Variants in MGRN1 observed in about 807,000 individuals in gnomAD.
The protein encoded by MGRN1 is mahogunin ring finger 1, also known as E3 ubiquitin-protein ligase MGRN1.
A neutral mutation model predicts 69.2 loss-of-function variants in MGRN1; 29 were observed. The ratio of observed to expected loss-of-function variants is 0.42; its 90% CI spans 0.31 to 0.57. MGRN1 has a LOEUF of 0.57. MGRN1 is among the 20% of genes least tolerant of loss of function. MGRN1 has a pLI of 0.15. For synonymous variants in MGRN1, 470 were observed against 344.2 expected (o/e 1.37, Z -4.04); for missense variants, 998 against 796.2 (o/e 1.25, Z -3.05).
At chr16:4,655,695 C>G (rs2078521658) in intron 4 of MGRN1, among the ~76,000 whole-genome samples, 1 of 152,208 alleles carries the variant, frequency 6.6e-6, no homozygotes, top group South Asian at 2.1e-4. Flanking sequence ...AGCTTCCCCT[C>G]CCAGCAGGGA....
intron 12 of MGRN1, among the ~76,000 whole-genome samples, chr16:4,681,109 G>A (rs747669568): frequency 2.6e-5 from 4 of 152,208 alleles, no homozygotes; most frequent in Non-Finnish European, 4.4e-5. Flanking sequence ...CAGAGGCCCG[G>A]GCAGGGCACA....
In MGRN1 at chr16:4,631,523, A is replaced by T. The variant is rs532879100; in HGVS notation, c.88+6475A>T. ...GGGGCATCTGTTGGGTAGAGGCCACAGGACAGTCCCCCACAATTAAGAATA... is the reference window on the plus strand; with the variant it reads ...GGGGCATCTGTTGGGTAGAGGCCACTGGACAGTCCCCCACAATTAAGAATA... On this transcript the variant is annotated intron_variant, in intron 1 of 16. Coordinates refer to ENST00000262370, the MANE Select transcript of MGRN1 (RefSeq NM_015246.4). Among the ~76,000 whole-genome samples the T allele has an allele frequency of 2.0e-5, 3 of 152,362 alleles. No individual in the cohort carries two copies. In the South Asian group the frequency reaches 6.2e-4, roughly 32 times the overall value.
At chr16:4,637,118 C>CAAA (rs36033548) in intron 1 of MGRN1, among the ~76,000 whole-genome samples, 536 of 48,448 alleles carry the variant, frequency 0.011, 15 homozygotes, top group African/African-American at 0.04. Flanking sequence ...GACTCCATCT[C>CAAA]AAAAAAAAAA....
intron 16 of MGRN1, 117 bp from the exon 17 acceptor site, chr16:4,688,679 C>A: frequency 6.9e-7 from 1 of 1,448,478 alleles, no homozygotes; most frequent in Non-Finnish European, 9.1e-7. Flanking sequence ...TGGCCACAGG[C>A]GGCGGGAGTG....
At chr16:4,635,536 C>CT (rs1483131849) in intron 1 of MGRN1, among the ~76,000 whole-genome samples, 3 of 151,654 alleles carry the variant, frequency 2.0e-5, no homozygotes, top group African/African-American at 7.3e-5. Flanking sequence ...GTGGCATGAT[C>CT]TTAGCTCACT....
chr16:4,625,639 T>C (rs1897639049), intron 1 of MGRN1, among the ~76,000 whole-genome samples: 1 of 152,184 alleles, frequency 6.6e-6, no homozygotes, highest in Non-Finnish European at 1.5e-5. Context: ...CTCTGTGTTA[T>C]GGCTGAGGGA....
intron 1 of MGRN1, among the ~76,000 whole-genome samples, chr16:4,638,568 G>A (rs139108429): frequency 2.4e-4 from 37 of 152,322 alleles, no homozygotes; most frequent in African/African-American, 7.2e-4. Context: ...GGATCAATGC[G>A]TGGGTGATAC....
At chr16:4,672,115 A>G (rs1018760395) in intron 9 of MGRN1, among the ~76,000 whole-genome samples, 2 of 152,316 alleles carry the variant, frequency 1.3e-5, no homozygotes, top group Admixed American at 1.3e-4. Flanking sequence ...CATGTTGGCC[A>G]GGATGGTCTT....
At chr16:4,667,724 G>A (rs1166008248) in intron 7 of MGRN1, among the ~76,000 whole-genome samples, 2 of 152,224 alleles carry the variant, frequency 1.3e-5, no homozygotes, top group African/African-American at 2.4e-5. Flanking sequence ...TGAACTCTGA[G>A]CGGTGGTGTG....
chr16:4,686,899 C>G, intron 16 of MGRN1: 1 of 985,460 alleles, frequency 1.0e-6, no homozygotes, highest in Non-Finnish European at 1.2e-6. Flanking sequence ...CACGTCTTCC[C>G]AAGCTCAGTC....
intron 4 of MGRN1, among the ~76,000 whole-genome samples, chr16:4,654,027 C>T (rs1005300281): frequency 4.6e-5 from 7 of 152,210 alleles, no homozygotes; most frequent in Non-Finnish European, 8.8e-5. Flanking sequence ...GCTGAGATTA[C>T]AGCCGTGAGC....
intron 10 of MGRN1, among the ~76,000 whole-genome samples, chr16:4,673,946 C>T (rs770151911): frequency 6.6e-6 from 1 of 152,154 alleles, no homozygotes; most frequent in South Asian, 2.1e-4. Flanking sequence ...ATGAACTGAA[C>T]GAAAATTGAT....
intron 10 of MGRN1, among the ~76,000 whole-genome samples, chr16:4,675,471 G>A (rs2079034483): frequency 6.6e-6 from 1 of 152,062 alleles, no homozygotes; most frequent in Non-Finnish European, 1.5e-5. Flanking sequence ...GCTGGTTGCA[G>A]ATCACACCTA....
intron 4 of MGRN1, among the ~76,000 whole-genome samples, chr16:4,654,730 C>G (rs192058030): frequency 6.6e-6 from 1 of 152,206 alleles, no homozygotes; most frequent in Non-Finnish European, 1.5e-5. Flanking sequence ...CAGCCCCTCG[C>G]GTGACAGGTG....
intron 8 of MGRN1, among the ~76,000 whole-genome samples, chr16:4,668,893 C>T (rs1289022705): frequency 6.6e-6 from 1 of 152,130 alleles, no homozygotes; most frequent in African/African-American, 2.4e-5. Context: ...TACATAGACA[C>T]ACATTCACTC....
chr16:4,667,809 T>C (rs2078838847), intron 7 of MGRN1, among the ~76,000 whole-genome samples: 1 of 152,252 alleles, frequency 6.6e-6, no homozygotes, highest in Non-Finnish European at 1.5e-5. Context: ...TCCCTGTGTG[T>C]GCACCACTGT....
intron 1 of MGRN1, among the ~76,000 whole-genome samples, chr16:4,639,037 G>A (rs750615655): frequency 2.6e-5 from 4 of 152,178 alleles, no homozygotes; most frequent in Non-Finnish European, 5.9e-5. Context: ...CTGGTTGTGT[G>A]ACCTGAGCAG....
rs554503230 is a variant in MGRN1 at position 4,686,863 on chromosome 16, C to T, written c.1619-1933C>T. The T allele has an allele frequency of 5.9e-5, 58 of 985,676 alleles. No homozygotes were observed. The South Asian group carries it at 7.0e-4, about 12-fold the overall frequency. The allele number at this position is 985,676 out of a possible 1,614,324, so 61.1% of individuals were successfully genotyped here. A position where few individuals can be genotyped will look rare whatever the true frequency, so the allele number is the denominator to read the frequency against. On this transcript the variant is annotated intron_variant, in intron 16 of 16. Transcript: ENST00000262370. ...TTTAACAATTCATGGGGAAAGAATG[C>T]GCCCCGATTGGGAGAGCCCCTGGAT...
At chr16:4,643,536 T>G (rs1203868652) in intron 1 of MGRN1, among the ~76,000 whole-genome samples, 1 of 151,598 alleles carries the variant, frequency 6.6e-6, no homozygotes, top group East Asian at 1.9e-4. Context: ...CACACCTGGC[T>G]AATTTTTTGT....
Sources: allele counts gnomAD v4.1 joint callset (sites outside exome capture counted in the v4.1 genomes callset), GRCh38; gene constraint gnomAD v4.1.1; transcripts MANE v1.5; gene names NCBI Gene and HGNC (gene_info 2026-07-23, HGNC 2026-07-21).